CMIP: variants seen among roughly 807,000 people sequenced by gnomAD.
CMIP encodes the protein C-Maf-inducing protein.
A neutral mutation model predicts 97.3 loss-of-function variants in CMIP; 13 were observed. That is an observed-to-expected ratio of 0.13 (90% CI 0.09 to 0.21). The LOEUF is 0.21. Ranked by LOEUF, CMIP falls within the 10% of genes least tolerant of loss-of-function variation. CMIP has a pLI of 1.00. For missense variants in CMIP, 847 were observed against 1,024.9 expected, an observed-to-expected ratio of 0.83 and a Z score of 2.37; for synonymous variants, 538 against 436.3, an observed-to-expected ratio of 1.23 and a Z score of -2.91.
Position 81,669,093 on chromosome 16 carries a change from TCA to T in CMIP, c.826-1045_826-1044del, listed in dbSNP as rs537573337. 5.9e-3 allele frequency among the ~76,000 whole-genome samples: 585 copies of T among 99,352 alleles called. 3 individuals carry two copies. The highest frequency in any genetic ancestry group is 8.9e-3 in the Admixed American group (88 of 9,846). The allele number at this position is 99,352 out of a possible 152,430, so 65.2% of individuals were successfully genotyped here. A position where few individuals can be genotyped will look rare whatever the true frequency, so the allele number is the denominator to read the frequency against. ...ACACTCACCTCCTTCCACATCCACC[TCA>T]CACCTCCACACCCACCTCTCACACT... On this transcript the variant is annotated intron_variant, in intron 7 of 20. Coordinates refer to ENST00000537098, the MANE Select transcript of CMIP (RefSeq NM_198390.3).
At chr16:81,599,499 G>T (rs1052404968) in intron 1 of CMIP, among the ~76,000 whole-genome samples, 15 of 152,244 alleles carry the variant, frequency 9.9e-5, no homozygotes, top group Non-Finnish European at 2.1e-4. Context: ...GCTGCGTGGG[G>T]TAGCAACAGA....
chr16:81,557,506 A>G (rs146003144), intron 1 of CMIP, among the ~76,000 whole-genome samples: 2 of 152,380 alleles, frequency 1.3e-5, no homozygotes, highest in Middle Eastern at 3.4e-3. Context: ...ATATATGTTT[A>G]TAATGTGGAA....
At chr16:81,499,803 C>T (rs79735931) in intron 1 of CMIP, among the ~76,000 whole-genome samples, 34 of 152,366 alleles carry the variant, frequency 2.2e-4, no homozygotes, top group Non-Finnish European at 4.0e-4. Context: ...GCGGCAGCTC[C>T]GGTCCTGCCC....
intron 3 of CMIP, chr16:81,651,398 C>T: frequency 1.0e-6 from 1 of 981,104 alleles, no homozygotes. Flanking sequence ...CCCAACCGCT[C>T]TCTGGCTTCG....
intron 1 of CMIP, among the ~76,000 whole-genome samples, chr16:81,524,422 A>G (rs1476796112): frequency 6.6e-6 from 1 of 152,226 alleles, no homozygotes; most frequent in East Asian, 1.9e-4. Context: ...TATGTCCTAG[A>G]CAGGTGACCT....
In CMIP at chr16:81,621,234, C is replaced by T. The variant is rs952569514; in HGVS notation, c.477+308C>T. 14 of 236,212 alleles carry T rather than the reference C, an allele frequency of 5.9e-5. No homozygotes were observed. The highest frequency in any genetic ancestry group is 9.2e-5 in the Non-Finnish European group (11 of 119,834). 14.6% of individuals were successfully genotyped at this position (236,212 alleles called of 1,614,324 possible). ...AGGGCGACCCTGAGGGGAGTCCAGC[C>T]GGGGAGGCTGGACTTCAGGGGCTCA... is the stretch of plus-strand genomic sequence containing the variant. On this transcript the variant is annotated intron_variant, in intron 3 of 20. Coordinates refer to ENST00000537098, the MANE Select transcript of CMIP (RefSeq NM_198390.3). This position sits in a 1 kb window ranked among gnomAD's most constrained non-coding sequence, Gnocchi z 4.1.
At chr16:81,607,765 G>C in intron 2 of CMIP, 73 bp downstream of exon 2, 1 of 1,509,494 alleles carries the variant, frequency 6.6e-7, no homozygotes, top group Non-Finnish European at 9.1e-7. Flanking sequence ...CGTTTCCCTT[G>C]GAGGGAGCCA....
intron 3 of CMIP, among the ~76,000 whole-genome samples, chr16:81,640,578 C>T (rs1053548995): frequency 2.0e-5 from 3 of 152,122 alleles, no homozygotes; most frequent in African/African-American, 7.2e-5. Flanking sequence ...AATTCTGGGG[C>T]CAGATGTCCA....
intron 1 of CMIP, among the ~76,000 whole-genome samples, chr16:81,598,489 C>T (rs2091601657): frequency 6.6e-6 from 1 of 152,212 alleles, no homozygotes; most frequent in South Asian, 2.1e-4. Context: ...AGGGCAGTGC[C>T]AGTATCAACT....
intron 1 of CMIP, among the ~76,000 whole-genome samples, chr16:81,517,296 C>T (rs72827200): frequency 1.2e-4 from 12 of 99,110 alleles, no homozygotes; most frequent in South Asian, 2.9e-4. Flanking sequence ...CAGACAGCTT[C>T]CAAGGTCATC....
rs997134266 is a variant in CMIP at position 81,710,413 on chromosome 16, C to A, written c.*614C>A. ...ATTTATGAAGTCTTTGACCGTCCCC[C>A]CCGCCCGACCCCACCGCCCTCCCGC... On this transcript the variant is annotated 3_prime_UTR_variant, in exon 21 of 21. Transcript: ENST00000537098. 1 of 152,614 alleles carries A rather than the reference C, an allele frequency of 6.6e-6. No individual in the cohort carries two copies. The highest frequency in any genetic ancestry group is 2.1e-4 in the South Asian group (1 of 4,878). 9.5% of individuals were successfully genotyped at this position (152,614 alleles called of 1,614,324 possible). A position where few individuals can be genotyped will look rare whatever the true frequency, so the allele number is the denominator to read the frequency against.
chr16:81,480,842 A>G (rs1181414657), intron 1 of CMIP, among the ~76,000 whole-genome samples: 1 of 152,050 alleles, frequency 6.6e-6, no homozygotes, highest in African/African-American at 2.4e-5. Context: ...CTCACTTATC[A>G]TGGAGGGAGT....
chr16:81,656,772 G>A, intron 4 of CMIP, among the ~76,000 whole-genome samples: 1 of 152,228 alleles, frequency 6.6e-6, no homozygotes, highest in Middle Eastern at 3.4e-3. Context: ...CGAGTAGCGA[G>A]TACCATGCCC....
At chr16:81,508,912 C>T (rs2089760088) in intron 1 of CMIP, among the ~76,000 whole-genome samples, 1 of 152,226 alleles carries the variant, frequency 6.6e-6, no homozygotes, top group Non-Finnish European at 1.5e-5. Flanking sequence ...AGTGTCATGT[C>T]TGGAGTGGTT....
intron 9 of CMIP, 85 bp from the exon 10 acceptor site, chr16:81,678,190 T>C: frequency 9.7e-7 from 1 of 1,028,088 alleles, no homozygotes; most frequent in African/African-American, 1.6e-5. Flanking sequence ...CATCCTGGGA[T>C]TCAGGGAGGC....
intron 1 of CMIP, among the ~76,000 whole-genome samples, chr16:81,544,110 C>T (rs1239426856): frequency 6.6e-6 from 1 of 152,194 alleles, no homozygotes; most frequent in Non-Finnish European, 1.5e-5. Context: ...GAAGGAAGGG[C>T]AAACGCTGGA....
intron 1 of CMIP, among the ~76,000 whole-genome samples, chr16:81,517,306 C>G (rs986030133): frequency 6.6e-6 from 1 of 152,112 alleles, no homozygotes; most frequent in Non-Finnish European, 1.5e-5. Context: ...CCAAGGTCAT[C>G]AGTGAAAGAA....
rs544193905 is a variant in CMIP at position 81,642,065 on chromosome 16, G to A, written c.478-10138G>A. On this transcript the variant is annotated intron_variant, in intron 3 of 20. Coordinates refer to ENST00000537098, the MANE Select transcript of CMIP (RefSeq NM_198390.3). The stretch of plus-strand genomic sequence containing the variant: ...AAAATGTATTTATACAAAGTGCTTC[G>A]CACAGGACCTGGCCTATGGAGTGCC... Among the ~76,000 whole-genome samples the A allele has an allele frequency of 3.9e-5, 6 of 152,374 alleles. No homozygotes were observed. In the South Asian group the frequency reaches 8.3e-4, roughly 21 times the overall value.
intron 7 of CMIP, among the ~76,000 whole-genome samples, chr16:81,667,799 A>AGAGAGAGAGAGAGAGAGAGAGAGAGTGT: frequency 3.4e-5 from 2 of 58,136 alleles, no homozygotes; most frequent in African/African-American, 7.0e-5. Context: ...AGAGAGAGAG[A>AGAGAGAGAGAGAGAGAGAGAGAGAGTGT]GTGTGTGTGT....
Sources: gnomAD v4.1 joint callset for allele counts (sites outside exome capture counted in the v4.1 genomes callset) on GRCh38, gnomAD v4.1.1 for gene constraint, Gnocchi (gnomAD v3.1) non-coding constraint, MANE v1.5 for transcripts, NCBI Gene and HGNC (gene_info 2026-07-23, HGNC 2026-07-21) for gene names.